SHISAL2A: variants seen among roughly 807,000 people sequenced by gnomAD.
The protein encoded by SHISAL2A is shisa like 2A.
SHISAL2A carries 18 observed loss-of-function variants against 11.5 expected under a neutral mutation model. That is an observed-to-expected ratio of 1.57 (90% CI 1.08 to 2.33). The LOEUF (loss-of-function observed/expected upper bound fraction) is 2.33. Among genes scored for constraint, SHISAL2A ranks in the 30% most tolerant of loss-of-function variants. The probability of loss-of-function intolerance (pLI) is 0.00; values close to 1 mark genes in which losing one functional copy is unlikely to be tolerated. For synonymous variants in SHISAL2A, 94 were observed against 99.6 expected (o/e 0.94, Z 0.34); for missense variants, 261 against 250.9 (o/e 1.04, Z -0.27).
Position 52,655,572 on chromosome 1 carries a change from G to A in SHISAL2A, c.323-1218G>A, listed in dbSNP as rs1026898784. 7.3e-5 allele frequency among the ~76,000 whole-genome samples: 11 copies of A among 151,264 alleles called. No homozygotes were observed. In the South Asian group the frequency reaches 1.0e-3, roughly 14 times the overall value. The stretch of plus-strand genomic sequence containing the variant: ...GCCCAGGAGGTCAAGGCTGTAGTGC[G>A]CCATGTTCAAGCCACTGCACTCCAG... On this transcript the variant is annotated intron_variant, in intron 2 of 2. Coordinates refer to ENST00000517870, the MANE Select transcript of SHISAL2A (RefSeq NM_001042693.3).
chr1:52,647,796 G>T (rs535729914), intron 2 of SHISAL2A, among the ~76,000 whole-genome samples: 4 of 150,164 alleles, frequency 2.7e-5, no homozygotes, highest in South Asian at 2.1e-4. Flanking sequence ...AGTGAGCCAG[G>T]ATCGGCCACT....
chr1:52,637,922 G>C (rs1267487588), intron 1 of SHISAL2A, among the ~76,000 whole-genome samples: 1 of 152,020 alleles, frequency 6.6e-6, no homozygotes, highest in African/African-American at 2.4e-5. Context: ...TCCTACCCAG[G>C]GTAGGAATCT....
rs181610253 is a variant in SHISAL2A at position 52,656,762 on chromosome 1, C to T, written c.323-28C>T. On this transcript the variant is annotated intron_variant, in intron 2 of 2. Transcript: ENST00000517870. ...TGATCCTGTTGGGGAAGAAGAGAGC[C>T]ACACACCCTCAGTTTGCTGTTTTCC... The T allele has an allele frequency of 9.3e-5, 146 of 1,576,038 alleles. 2 individuals carry two copies. In the East Asian group the frequency reaches 1.5e-3, roughly 16 times the overall value.
At position 52,639,635 on chromosome 1, in the gene SHISAL2A, C is replaced by T. The variant is rs1024701962; in HGVS notation, c.183-3228C>T. On this transcript the variant is annotated intron_variant, in intron 1 of 2. Transcript: ENST00000517870. ...GGGCGTGGTGGCGGGTGCTTGTAGT[C>T]CCAGCTACTCGGGAGGCTGAGGCAG... Among the ~76,000 whole-genome samples the T allele has an allele frequency of 2.0e-5, 3 of 152,046 alleles. No individual in the cohort carries two copies. The East Asian group carries it at 5.9e-4, about 30-fold the overall frequency.
At chr1:52,656,712 C>A in intron 2 of SHISAL2A, 78 bp from the exon 3 acceptor site, 2 of 1,491,386 alleles carry the variant, frequency 1.3e-6, no homozygotes, top group Non-Finnish European at 9.1e-7. Flanking sequence ...CCAAGGTAAG[C>A]ACCAGAGAAG....
rs746634577 is a variant in SHISAL2A at position 52,656,984 on chromosome 1, GGCA to G, written c.520_522del (p.Ser174del). The G allele has an allele frequency of 4.3e-6, 7 of 1,614,042 alleles. No homozygotes were observed. The African/African-American group carries it at 9.3e-5, about 22-fold the overall frequency. On this transcript the variant is annotated inframe_deletion, in exon 3 of 3. Coordinates refer to ENST00000517870, the MANE Select transcript of SHISAL2A (RefSeq NM_001042693.3). ...CACAGTGACCACCAGTGACATTCCA[GGCA>G]GCCCTGAGGAAGCCTCTGTACCCAA...
At chr1:52,647,537 G>A (rs1691527627) in intron 2 of SHISAL2A, among the ~76,000 whole-genome samples, 1 of 152,004 alleles carries the variant, frequency 6.6e-6, no homozygotes. Context: ...ATAATCAGGG[G>A]AATGCAATTC....
At chr1:52,667,366 A>T in intron 4 of SHISAL2A, 1 of 982,480 alleles carries the variant, frequency 1.0e-6, no homozygotes, top group Non-Finnish European at 1.2e-6. Context: ...GAAGTCTTTC[A>T]AAGATTTGTT....
rs1464509542 is a variant in SHISAL2A at position 52,634,668 on chromosome 1, T to C, written c.182+993T>C. On this transcript the variant is annotated intron_variant, in intron 1 of 2. Transcript: ENST00000517870. Reference sequence around the variant, plus strand: ...GAATGGAACTTGATCCTCAGCCTACTTTGGGAAACAGGCATCAGCAAAAAT... The same window carrying C: ...GAATGGAACTTGATCCTCAGCCTACCTTGGGAAACAGGCATCAGCAAAAAT... Among the ~76,000 whole-genome samples, 3 of 152,194 alleles carry C rather than the reference T, an allele frequency of 2.0e-5. No individual in the cohort carries two copies. The East Asian group carries it at 5.8e-4, about 29-fold the overall frequency.
At chr1:52,665,505 T>A (rs1345061599) in intron 4 of SHISAL2A, among the ~76,000 whole-genome samples, 1 of 152,178 alleles carries the variant, frequency 6.6e-6, no homozygotes, top group African/African-American at 2.4e-5. Flanking sequence ...AGACTTATCA[T>A]GAGCTCATCA....
In SHISAL2A at chr1:52,650,770, A is replaced by T. The variant is rs531272223; in HGVS notation, c.323-6020A>T. ...AGCAATTCTCCTGCCTCAGCCTCTC[A>T]TGTAGCTGAGGCTACAGGCACCTGC... On this transcript the variant is annotated intron_variant, in intron 2 of 2. Coordinates refer to ENST00000517870, the MANE Select transcript of SHISAL2A (RefSeq NM_001042693.3). 3.4e-5 allele frequency among the ~76,000 whole-genome samples: 5 copies of T among 147,948 alleles called. No homozygotes were observed. In the East Asian group the frequency reaches 1.0e-3, roughly 30 times the overall value.
downstream of SHISAL2A, chr1:52,659,297 T>G (rs1483698876): frequency 6.5e-6 from 1 of 152,706 alleles, no homozygotes; most frequent in Non-Finnish European, 1.5e-5. Context: ...TTGAACGTGT[T>G]GGGATTACAG....
chr1:52,636,489 G>T (rs1011442559), intron 1 of SHISAL2A, among the ~76,000 whole-genome samples: 20 of 152,214 alleles, frequency 1.3e-4, no homozygotes, highest in African/African-American at 3.6e-4. Flanking sequence ...TGATGGAATT[G>T]TAAGAACTAA....
At chr1:52,662,134 A>C (rs1324890551) in intron 4 of SHISAL2A, among the ~76,000 whole-genome samples, 1 of 152,174 alleles carries the variant, frequency 6.6e-6, no homozygotes, top group Non-Finnish European at 1.5e-5. Context: ...GAGAACAGTC[A>C]GAGAGAGATC....
chr1:52,637,553 C>T lies in SHISAL2A; in HGVS notation c.182+3878C>T, dbSNP rs572771394. On this transcript the variant is annotated intron_variant, in intron 1 of 2. Coordinates refer to ENST00000517870, the MANE Select transcript of SHISAL2A (RefSeq NM_001042693.3). ...GCTGTCACACCGTCTGGTCCACTTGCCAAACACCCTCCTCCATCACTAGTT... is the reference window on the plus strand; with the variant it reads ...GCTGTCACACCGTCTGGTCCACTTGTCAAACACCCTCCTCCATCACTAGTT... Among the ~76,000 whole-genome samples, 5 of 152,284 alleles carry T rather than the reference C, an allele frequency of 3.3e-5. No individual in the cohort carries two copies. In the South Asian group the frequency reaches 1.0e-3, roughly 32 times the overall value.
chr1:52,642,006 AG>A lies in SHISAL2A; in HGVS notation c.183-855del, dbSNP rs1691376814. 3.3e-5 allele frequency among the ~76,000 whole-genome samples: 5 copies of A among 152,304 alleles called. No homozygotes were observed. In the South Asian group the frequency reaches 1.0e-3, roughly 32 times the overall value. On this transcript the variant is annotated intron_variant, in intron 1 of 2. Transcript: ENST00000517870. ...GTGGTCCCAGCCATTTGGGAGGCTG[AG>A]GTGGGAGGATTGCTTGAGCCCAGGA...
intron 1 of SHISAL2A, among the ~76,000 whole-genome samples, chr1:52,640,929 G>A (rs940998135): frequency 6.6e-6 from 1 of 152,174 alleles, no homozygotes; most frequent in Non-Finnish European, 1.5e-5. Context: ...CTCCAGGGAG[G>A]GGAGAGGGCC....
At chr1:52,645,017 CAAAAA>C (rs752980005) in intron 2 of SHISAL2A, among the ~76,000 whole-genome samples, 1 of 69,432 alleles carries the variant, frequency 1.4e-5, no homozygotes, top group Non-Finnish European at 3.2e-5. Flanking sequence ...ACTCTGTCTC[CAAAAA>C]AAAAAAAAAA....
At chr1:52,638,709 C>G (rs1432609643) in intron 1 of SHISAL2A, among the ~76,000 whole-genome samples, 1 of 152,158 alleles carries the variant, frequency 6.6e-6, no homozygotes, top group African/African-American at 2.4e-5. Context: ...CTCTGCCAGC[C>G]AGTGTAGAAT....
Sources: allele counts gnomAD v4.1 joint callset (sites outside exome capture counted in the v4.1 genomes callset), GRCh38; gene constraint gnomAD v4.1.1; transcripts MANE v1.5; gene names NCBI Gene and HGNC (gene_info 2026-07-23, HGNC 2026-07-21).